The following CRTAC1 variants were observed in gnomAD, a reference collection of about 807,000 sequenced individuals.
CRTAC1 encodes cartilage acidic protein 1.
Under a neutral mutation model 67.8 loss-of-function variants are expected in CRTAC1, and 37 were observed. The ratio of observed to expected loss-of-function variants is 0.55; its 90% CI spans 0.42 to 0.72. CRTAC1 has a LOEUF of 0.72. Among genes scored for constraint, CRTAC1 ranks in the 30% least tolerant of loss-of-function variants. The probability of loss-of-function intolerance (pLI) is 0.00; values close to 1 mark genes in which losing one functional copy is unlikely to be tolerated. For synonymous variants in CRTAC1, 348 were observed against 371.0 expected (o/e 0.94, Z 0.71); for missense variants, 780 against 931.6 (o/e 0.84, Z 2.12).
At chr10:97,976,122 C>T (rs1204287206) in intron 2 of CRTAC1, among the ~76,000 whole-genome samples, 1 of 152,232 alleles carries the variant, frequency 6.6e-6, no homozygotes, top group Non-Finnish European at 1.5e-5. Context: ...GCAGCGTACT[C>T]TCATCCAGAC....
intron 2 of CRTAC1, among the ~76,000 whole-genome samples, chr10:97,996,427 G>A (rs1230604955): frequency 1.3e-5 from 2 of 151,126 alleles, no homozygotes; most frequent in Admixed American, 1.3e-4. Flanking sequence ...GGCAAAGGAC[G>A]TGAACAGACA....
chr10:97,958,694 T>A (rs2051478220), intron 2 of CRTAC1, among the ~76,000 whole-genome samples: 1 of 152,122 alleles, frequency 6.6e-6, no homozygotes, highest in Non-Finnish European at 1.5e-5. Context: ...AAGGAAAGGG[T>A]GACTGGCTGG....
At chr10:97,890,046 G>A (rs1047732282) in intron 11 of CRTAC1, among the ~76,000 whole-genome samples, 4 of 151,574 alleles carry the variant, frequency 2.6e-5, no homozygotes, top group African/African-American at 9.7e-5. Context: ...GCACTGAAAG[G>A]AAACAAGATA....
chr10:98,026,133 G>A (rs1316347447), intron 1 of CRTAC1, among the ~76,000 whole-genome samples: 1 of 152,216 alleles, frequency 6.6e-6, no homozygotes, highest in Non-Finnish European at 1.5e-5. Flanking sequence ...ACCAAGGGCA[G>A]AGGAATACTA....
chr10:98,002,752 C>T (rs960589321), intron 2 of CRTAC1, among the ~76,000 whole-genome samples: 3 of 72,976 alleles, frequency 4.1e-5, no homozygotes, highest in Non-Finnish European at 8.4e-5. Context: ...GAATTCTTTA[C>T]AAAACTCACT....
chr10:97,918,976 G>A (rs2050798713), intron 4 of CRTAC1, among the ~76,000 whole-genome samples: 1 of 151,894 alleles, frequency 6.6e-6, no homozygotes. Context: ...GTAGAGACAG[G>A]GTTTCACCAT....
At chr10:97,988,575 C>G (rs893995477) in intron 2 of CRTAC1, among the ~76,000 whole-genome samples, 1 of 152,084 alleles carries the variant, frequency 6.6e-6, no homozygotes, top group Non-Finnish European at 1.5e-5. Context: ...TAAAAATTAG[C>G]CGGGTGTGGC....
chr10:97,906,318 T>C (rs2050611560), intron 6 of CRTAC1, among the ~76,000 whole-genome samples: 1 of 152,158 alleles, frequency 6.6e-6, no homozygotes, highest in African/African-American at 2.4e-5. Context: ...CGTTGGCCCA[T>C]TTCTCTCCTA....
At chr10:97,892,692 C>T (rs1393737804) in intron 11 of CRTAC1, among the ~76,000 whole-genome samples, 3 of 152,208 alleles carry the variant, frequency 2.0e-5, no homozygotes, top group African/African-American at 7.2e-5. Context: ...CTGGCACATA[C>T]TAATTGCTTG....
rs569315117 is a variant in CRTAC1 at position 97,865,245 on chromosome 10, T to A, written c.*303A>T. On this transcript the variant is annotated 3_prime_UTR_variant, in exon 15 of 15. Coordinates refer to ENST00000370597, the MANE Select transcript of CRTAC1 (RefSeq NM_018058.7). ...TGAACTCAGGACACTAAAGTCCTCA[T>A]ACTTCCTGTGCAGTGACACCACCTC... 2 of 298,260 alleles carry A rather than the reference T, an allele frequency of 6.7e-6. No homozygotes were observed. Among genetic ancestry groups the A allele is most frequent in the East Asian group, 1.1e-4 (2 of 17,960 alleles). The allele number at this position is 298,260 out of a possible 1,614,324, so 18.5% of individuals were successfully genotyped here.
intron 8 of CRTAC1, among the ~76,000 whole-genome samples, chr10:97,899,275 C>A (rs1264269269): frequency 6.6e-6 from 1 of 152,228 alleles, no homozygotes; most frequent in African/African-American, 2.4e-5. Flanking sequence ...GTGGCTTCTG[C>A]TGCTGCTGTG....
chr10:97,972,097 A>C (rs1052623088), intron 2 of CRTAC1, among the ~76,000 whole-genome samples: 1 of 152,164 alleles, frequency 6.6e-6, no homozygotes, highest in African/African-American at 2.4e-5. Context: ...TTACACTGGG[A>C]GCCTAACCAT....
intron 2 of CRTAC1, among the ~76,000 whole-genome samples, chr10:98,004,216 GAA>G (rs1452626912): frequency 6.6e-6 from 1 of 152,196 alleles, no homozygotes; most frequent in Non-Finnish European, 1.5e-5. Flanking sequence ...ACCCATTTAA[GAA>G]ATATATTTTT....
chr10:97,987,255 A>T (rs1413561228), intron 2 of CRTAC1, among the ~76,000 whole-genome samples: 1 of 152,226 alleles, frequency 6.6e-6, no homozygotes, highest in Non-Finnish European at 1.5e-5. Flanking sequence ...TTTATAAGCC[A>T]TGGCTCTCAT....
At chr10:98,008,656 C>G (rs1842846133) in intron 2 of CRTAC1, among the ~76,000 whole-genome samples, 1 of 152,074 alleles carries the variant, frequency 6.6e-6, no homozygotes, top group Non-Finnish European at 1.5e-5. Context: ...TGTCCAGGTC[C>G]CAGAAGGAGA....
intron 3 of CRTAC1, among the ~76,000 whole-genome samples, chr10:97,927,515 C>G (rs10736119): frequency 0.68 from 102,800 of 152,228 alleles, 35,779 homozygotes; most frequent in East Asian, 0.83. Context: ...CCATCCTAAG[C>G]TGCTGATGTC....
intron 3 of CRTAC1, among the ~76,000 whole-genome samples, chr10:97,935,181 T>A (rs1328834679): frequency 6.6e-6 from 1 of 152,202 alleles, no homozygotes; most frequent in African/African-American, 2.4e-5. Context: ...ACAAGCTGCA[T>A]GGCCTTGGGC....
In CRTAC1 at chr10:97,884,339, G is replaced by C. The variant is rs914378492; in HGVS notation, c.1499C>G (p.Ala500Gly). ...VAHFGLGKDE[A>G]SSVEVTWPDG... ...TGGCCACGTCACCTCCACACTGCTG[G>C]CTTCATCCTTCCCTGAGGGGCAGAA... Residue 500 changes from alanine to glycine, a missense_variant, in exon 12 of 15, where the codon GCC (alanine) becomes GGC (glycine). Coordinates refer to ENST00000370597, the MANE Select transcript of CRTAC1 (RefSeq NM_018058.7). The C allele has an allele frequency of 6.4e-7, 1 of 1,551,478 alleles. No individual in the cohort carries two copies. Among genetic ancestry groups the C allele is most frequent in the African/African-American group, 1.4e-5 (1 of 73,078 alleles).
chr10:98,013,521 G>A (rs1187141192), intron 1 of CRTAC1, among the ~76,000 whole-genome samples: 1 of 152,198 alleles, frequency 6.6e-6, no homozygotes, highest in Non-Finnish European at 1.5e-5. Flanking sequence ...AAAGCAAGAT[G>A]AGAAAGAAAT....
Sources: allele counts gnomAD v4.1 joint callset (sites outside exome capture counted in the v4.1 genomes callset), GRCh38; gene constraint gnomAD v4.1.1; transcripts MANE v1.5; gene names NCBI Gene and HGNC (gene_info 2026-07-23, HGNC 2026-07-21).